Variants in DEUP1 observed in about 807,000 individuals in gnomAD.
The protein encoded by DEUP1 is deuterosome assembly protein 1, also known as coiled-coil domain containing 67.
A neutral mutation model predicts 87.4 loss-of-function variants in DEUP1; 82 were observed. The observed-to-expected ratio is 0.94, with a 90% CI of 0.78 to 1.13. The LOEUF is 1.13. Ranked by LOEUF, DEUP1 falls within the 50% of genes most tolerant of loss-of-function variation. DEUP1 has a pLI of 0.00. For missense variants in DEUP1, 663 were observed against 681.5 expected (o/e 0.97, Z 0.30); for synonymous variants, 214 against 222.7 (o/e 0.96, Z 0.35).
chr11:93,380,398 G>T (rs1431839289), intron 7 of DEUP1, among the ~76,000 whole-genome samples: 4 of 151,754 alleles, frequency 2.6e-5, no homozygotes, highest in African/African-American at 9.7e-5. Flanking sequence ...GTTTTGTTTT[G>T]TTTTGTTTTG....
intron 13 of DEUP1, among the ~76,000 whole-genome samples, chr11:93,417,881 T>C (rs1410908683): frequency 3.3e-5 from 5 of 151,892 alleles, no homozygotes; most frequent in African/African-American, 9.7e-5. Flanking sequence ...ATACCGCATA[T>C]CTACAACTAT....
chr11:93,347,153 C>T (rs1944391165), intron 2 of DEUP1, among the ~76,000 whole-genome samples: 1 of 152,128 alleles, frequency 6.6e-6, no homozygotes, highest in African/African-American at 2.4e-5. Flanking sequence ...AGCTTTTGCG[C>T]ATTCAGTGTG....
At chr11:93,345,162 A>G (rs556120818) in intron 2 of DEUP1, among the ~76,000 whole-genome samples, 1 of 152,308 alleles carries the variant, frequency 6.6e-6, no homozygotes, top group South Asian at 2.1e-4. Context: ...CTCCAGCTCC[A>G]TCCATGTTAC....
chr11:93,345,330 G>C (rs531238375), intron 2 of DEUP1, among the ~76,000 whole-genome samples: 4 of 152,318 alleles, frequency 2.6e-5, no homozygotes, highest in African/African-American at 9.6e-5. Context: ...ACATGTGCAT[G>C]TGTCTTTATG....
chr11:93,384,347 C>A (rs1442120251), intron 7 of DEUP1, among the ~76,000 whole-genome samples: 2 of 152,172 alleles, frequency 1.3e-5, no homozygotes, highest in Non-Finnish European at 2.9e-5. Context: ...TCTTAATATC[C>A]CCTTAGCTAA....
intron 12 of DEUP1, chr11:93,411,368 AT>A (rs1947429960): frequency 6.6e-6 from 1 of 152,216 alleles, no homozygotes; most frequent in Non-Finnish European, 1.5e-5. Context: ...GTTCCACAAA[AT>A]GTTAAGATTC....
intron 12 of DEUP1, among the ~76,000 whole-genome samples, chr11:93,412,706 A>AT (rs1323478549): frequency 6.6e-6 from 1 of 151,952 alleles, no homozygotes; most frequent in Non-Finnish European, 1.5e-5. Context: ...ATCGCTACTA[A>AT]TTTTTTTTCA....
chr11:93,379,258 G>GA (rs373443827), intron 7 of DEUP1, among the ~76,000 whole-genome samples: 3 of 151,932 alleles, frequency 2.0e-5, no homozygotes, highest in Admixed American at 2.0e-4. Flanking sequence ...ATTCTTTGGG[G>GA]AAAAAAAGAT....
intron 11 of DEUP1, among the ~76,000 whole-genome samples, chr11:93,397,465 G>A (rs1946977093): frequency 6.6e-6 from 1 of 152,064 alleles, no homozygotes; most frequent in African/African-American, 2.4e-5. Context: ...CTGCCTCCGT[G>A]AGTGCTTTTT....
chr11:93,383,130 A>T (rs1946377271), intron 7 of DEUP1, among the ~76,000 whole-genome samples: 1 of 152,246 alleles, frequency 6.6e-6, no homozygotes, highest in Admixed American at 6.5e-5. Flanking sequence ...ATTAATAAAT[A>T]AGAAAGCATA....
chr11:93,410,615 C>T (rs1947408204), intron 12 of DEUP1, among the ~76,000 whole-genome samples: 1 of 152,122 alleles, frequency 6.6e-6, no homozygotes, highest in Non-Finnish European at 1.5e-5. Flanking sequence ...TATTGAGCAC[C>T]CACTGGGTAC....
chr11:93,384,823 GATT>G (rs1422852222), intron 7 of DEUP1, among the ~76,000 whole-genome samples: 1 of 152,112 alleles, frequency 6.6e-6, no homozygotes, highest in Non-Finnish European at 1.5e-5. Context: ...GTGATGATTT[GATT>G]ATTCTTTGTC....
At chr11:93,370,278 T>C in intron 6 of DEUP1, 92 bp downstream of exon 6, 1 of 629,952 alleles carries the variant, frequency 1.6e-6, no homozygotes, top group Admixed American at 4.2e-5. Flanking sequence ...CAAACAGACA[T>C]GCCAACTAAG....
chr11:93,427,606 A>G (rs1445629794), intron 13 of DEUP1, among the ~76,000 whole-genome samples: 1 of 151,046 alleles, frequency 6.6e-6, no homozygotes, highest in Non-Finnish European at 1.5e-5. Flanking sequence ...AATGGCAACA[A>G]AAGCCAAAAT....
At chr11:93,334,346 C>T (rs1055697539) in intron 2 of DEUP1, among the ~76,000 whole-genome samples, 2 of 152,142 alleles carry the variant, frequency 1.3e-5, no homozygotes, top group African/African-American at 4.8e-5. Context: ...TAACAGATAC[C>T]TATTTAGAGT....
chr11:93,419,618 C>T (rs1033834159), intron 13 of DEUP1, among the ~76,000 whole-genome samples: 1 of 152,038 alleles, frequency 6.6e-6, no homozygotes, highest in African/African-American at 2.4e-5. Context: ...TTTCCGTTTC[C>T]AGAGATGAAA....
intron 2 of DEUP1, among the ~76,000 whole-genome samples, chr11:93,337,117 G>C (rs1943805688): frequency 6.6e-6 from 1 of 152,124 alleles, no homozygotes; most frequent in Non-Finnish European, 1.5e-5. Flanking sequence ...TATCTGCTGT[G>C]AAAGTCATTA....
At chr11:93,383,941 T>C (rs1276576596) in intron 7 of DEUP1, among the ~76,000 whole-genome samples, 1 of 152,250 alleles carries the variant, frequency 6.6e-6, no homozygotes, top group Non-Finnish European at 1.5e-5. Flanking sequence ...GGATCAAGTC[T>C]GGCATTCAAT....
At position 93,389,035 on chromosome 11, in the gene DEUP1, T is replaced by C; in HGVS notation, c.951T>C (p.Tyr317=). 1 of 1,560,176 alleles carries C rather than the reference T, an allele frequency of 6.4e-7. No homozygotes were observed. Among genetic ancestry groups the C allele is most frequent in the Non-Finnish European group, 8.8e-7 (1 of 1,139,408 alleles). ...QGNKTRLESS[Y]LPSIKEPERK... is the part of the protein sequence containing the mutation. ...TAATTTGTAGACTTGAATCATCTTATTTGCCTTCTATTAAAGAACCAGAAA... is the reference window on the plus strand; with the variant it reads ...TAATTTGTAGACTTGAATCATCTTACTTGCCTTCTATTAAAGAACCAGAAA... The change falls in exon 9 of 14, where the codon TAT becomes TAC. Residue 317 remains tyrosine, a synonymous_variant. Transcript: ENST00000298050.
Sources: gnomAD v4.1 joint callset for allele counts (sites outside exome capture counted in the v4.1 genomes callset) on GRCh38, gnomAD v4.1.1 for gene constraint, MANE v1.5 for transcripts, NCBI Gene and HGNC (gene_info 2026-07-23, HGNC 2026-07-21) for gene names.